KLKB1: variants seen among roughly 807,000 people sequenced by gnomAD.
KLKB1 encodes the protein plasma kallikrein.
In KLKB1, 58 loss-of-function variants were observed where a neutral mutation model predicts 73.6. The ratio of observed to expected loss-of-function variants is 0.79; its 90% CI spans 0.64 to 0.98. The LOEUF is 0.98. Ranked by LOEUF, KLKB1 falls within the 50% of genes least tolerant of loss-of-function variation. The probability of loss-of-function intolerance (pLI) is 0.00; values close to 1 mark genes in which losing one functional copy is unlikely to be tolerated. For synonymous variants in KLKB1, 280 were observed against 258.1 expected (o/e 1.08, Z -0.81); for missense variants, 737 against 763.8 (o/e 0.96, Z 0.41).
chr4:186,236,049 G>A (rs1580001152), intron 4 of KLKB1, among the ~76,000 whole-genome samples: 1 of 150,642 alleles, frequency 6.6e-6, no homozygotes, highest in African/African-American at 2.4e-5. Flanking sequence ...GGGAGGCGGA[G>A]CTTGCAGTGA....
intron 13 of KLKB1, among the ~76,000 whole-genome samples, 179 bp downstream of exon 13, chr4:186,256,266 G>GA (rs1310558133): frequency 6.6e-6 from 1 of 151,856 alleles, no homozygotes; most frequent in African/African-American, 2.4e-5. Flanking sequence ...GCTTTGGCTT[G>GA]AAAAAAAATT....
intron 2 of KLKB1, among the ~76,000 whole-genome samples, chr4:186,231,177 G>A (rs1333572234): frequency 1.3e-5 from 2 of 152,128 alleles, no homozygotes; most frequent in Non-Finnish European, 2.9e-5. Flanking sequence ...TAAAAAATAG[G>A]TACTATTTAA....
chr4:186,229,482 G>A (rs953329474), intron 2 of KLKB1, among the ~76,000 whole-genome samples: 1 of 152,042 alleles, frequency 6.6e-6, no homozygotes, highest in Non-Finnish European at 1.5e-5. Flanking sequence ...TTTGGAGCTT[G>A]CTATTCTTCT....
rs773625830 is a variant in KLKB1 at position 186,233,932 on chromosome 4, T to C, written c.222-20T>C. Reference sequence around the variant, plus strand: ...TATGTTTATTATTCTACTTCCTAAGTAAAGCTACTTTTAAAATAGGTTTGG... The same window carrying C: ...TATGTTTATTATTCTACTTCCTAAGCAAAGCTACTTTTAAAATAGGTTTGG... On this transcript the variant is annotated intron_variant, in intron 3 of 14. Transcript: ENST00000264690. 7.1e-6 allele frequency: 11 copies of C among 1,541,778 alleles called. No individual in the cohort carries two copies. Among genetic ancestry groups the C allele is most frequent in the Non-Finnish European group, 9.9e-6 (11 of 1,114,318 alleles).
intron 13 of KLKB1, 44 bp from the exon 14 acceptor site, chr4:186,257,182 T>C (rs1274165450): frequency 9.4e-7 from 1 of 1,066,908 alleles, no homozygotes; most frequent in Admixed American, 2.0e-5. Context: ...ATTTAAGTTA[T>C]TATTATTAAC....
At chr4:186,216,580 G>C (rs1736907889) in intron 2 of KLKB1, among the ~76,000 whole-genome samples, 1 of 152,172 alleles carries the variant, frequency 6.6e-6, no homozygotes, top group Non-Finnish European at 1.5e-5. Flanking sequence ...ACAAGGGGAG[G>C]TGGAGAGGGC....
intron 4 of KLKB1, 138 bp from the exon 5 acceptor site, chr4:186,236,643 A>T: frequency 2.8e-6 from 2 of 715,858 alleles, no homozygotes; most frequent in South Asian, 3.3e-5. Flanking sequence ...TAAAAATTTT[A>T]AATCCCTTAG....
chr4:186,213,999 C>T (rs1051539202), intron 2 of KLKB1, among the ~76,000 whole-genome samples: 1 of 152,158 alleles, frequency 6.6e-6, no homozygotes, highest in Non-Finnish European at 1.5e-5. Context: ...TAAATATGTG[C>T]CATATTCTTA....
At chr4:186,216,797 T>C (rs1174974474) in intron 2 of KLKB1, among the ~76,000 whole-genome samples, 3 of 152,216 alleles carry the variant, frequency 2.0e-5, no homozygotes, top group Non-Finnish European at 4.4e-5. Context: ...TCAATCCCTC[T>C]TAACGCTCTG....
At position 186,258,260 on chromosome 4, in the gene KLKB1, A is replaced by G. The variant is rs767208191; in HGVS notation, c.*48A>G. ...ATTTTTACAACCTGAGTTCAAGTCA[A>G]ATTCTGAGCCTGGGGGGTCCTCATC... On this transcript the variant is annotated 3_prime_UTR_variant, in exon 15 of 15. Coordinates refer to ENST00000264690, the MANE Select transcript of KLKB1 (RefSeq NM_000892.5). 1.0e-5 allele frequency: 16 copies of G among 1,529,224 alleles called. No individual in the cohort carries two copies. Among genetic ancestry groups the G allele is most frequent in the Non-Finnish European group, 1.3e-5 (14 of 1,113,212 alleles). 94.7% of individuals were successfully genotyped at this position (1,529,224 alleles called of 1,614,324 possible).
At chr4:186,223,886 T>G (rs369913843), upstream of KLKB1, among the ~76,000 whole-genome samples, 2 of 152,320 alleles carry the variant, frequency 1.3e-5, no homozygotes, top group East Asian at 3.9e-4. Flanking sequence ...TTCAGAGGTC[T>G]TCAAGGCAGC....
At chr4:186,215,558 CATT>C (rs1018289797) in intron 2 of KLKB1, among the ~76,000 whole-genome samples, 1 of 151,686 alleles carries the variant, frequency 6.6e-6, no homozygotes, top group Non-Finnish European at 1.5e-5. Context: ...TAAATTAAGA[CATT>C]TATTTATTTA....
At chr4:186,225,589 G>A (rs1041432101), upstream of KLKB1, among the ~76,000 whole-genome samples, 2 of 151,650 alleles carry the variant, frequency 1.3e-5, no homozygotes, top group Non-Finnish European at 2.9e-5. Flanking sequence ...CCACCACCAC[G>A]CCTGGCTAAA....
chr4:186,240,229 T>C (rs1007205454), intron 6 of KLKB1, among the ~76,000 whole-genome samples: 1 of 152,026 alleles, frequency 6.6e-6, no homozygotes. Flanking sequence ...GTGATATTGT[T>C]ATAGTTATAG....
intron 7 of KLKB1, 36 bp from the exon 8 acceptor site, chr4:186,251,183 C>G: frequency 1.4e-6 from 2 of 1,432,332 alleles, no homozygotes; most frequent in Non-Finnish European, 2.0e-6. Flanking sequence ...ATGCAAATTT[C>G]TTTCTTTCTC....
chr4:186,243,524 T>G (rs1738165477), intron 6 of KLKB1, among the ~76,000 whole-genome samples: 1 of 152,222 alleles, frequency 6.6e-6, no homozygotes, highest in African/African-American at 2.4e-5. Context: ...ATAGGCATTG[T>G]CCTGAGCAGT....
At chr4:186,215,316 TTCTC>T (rs1736862613) in intron 2 of KLKB1, among the ~76,000 whole-genome samples, 1 of 148,212 alleles carries the variant, frequency 6.7e-6, no homozygotes, top group East Asian at 2.0e-4. Context: ...TAGCCTTTCT[TTCTC>T]TTTCTTTCTC....
intron 12 of KLKB1, among the ~76,000 whole-genome samples, chr4:186,255,688 T>C (rs906060923): frequency 6.6e-6 from 1 of 152,228 alleles, no homozygotes; most frequent in Non-Finnish European, 1.5e-5. Flanking sequence ...GATACCCTGC[T>C]ATGACTATTA....
At position 186,238,364 on chromosome 4, in the gene KLKB1, T is replaced by C; in HGVS notation, c.597T>C (p.Ile199=). ...TGAAGCCCTGTGCCCTTTCAGAAAT[T>C]GGTAATTGTAGGACTACTTCACTTT... ...FSLKPCALSE[I]GCHMNIFQHL... is the part of the protein sequence containing the mutation. The change falls in exon 6 of 15, where the codon ATT becomes ATC. Residue 199 remains isoleucine, a splice_region_variant and synonymous_variant. Coordinates refer to ENST00000264690, the MANE Select transcript of KLKB1 (RefSeq NM_000892.5). The C allele has an allele frequency of 6.2e-7, 1 of 1,603,620 alleles. No homozygotes were observed. The highest frequency in any genetic ancestry group is 8.5e-7 in the Non-Finnish European group (1 of 1,170,584).
Sources: gnomAD v4.1 joint callset for allele counts (sites outside exome capture counted in the v4.1 genomes callset) on GRCh38, gnomAD v4.1.1 for gene constraint, MANE v1.5 for transcripts, NCBI Gene and HGNC (gene_info 2026-07-23, HGNC 2026-07-21) for gene names.